TAS2R1: variants seen among roughly 807,000 people sequenced by gnomAD.
TAS2R1 encodes the protein taste 2 receptor member 1, also known as taste receptor type 2 member 1.
For synonymous variants in TAS2R1, 141 were observed against 134.2 expected (o/e 1.05, Z -0.35); for missense variants, 370 against 353.4 (o/e 1.05, Z -0.38).
chr5:9,827,850 A>G, the TAS2R1 span, among the ~76,000 whole-genome samples: 11 of 152,174 alleles, frequency 7.2e-5, no homozygotes, highest in African/African-American at 2.4e-4. Flanking sequence ...AAATCCAGCA[A>G]TTCCTTATTA....
chr5:9,687,715 T>C (rs567029191), intron 1 of TAS2R1, among the ~76,000 whole-genome samples: 3 of 152,368 alleles, frequency 2.0e-5, no homozygotes, highest in South Asian at 4.1e-4. Context: ...AACCATTTTC[T>C]GCTCCGCGGG....
At chr5:9,803,657 A>G in the TAS2R1 span, among the ~76,000 whole-genome samples, 2 of 152,232 alleles carry the variant, frequency 1.3e-5, no homozygotes, top group Admixed American at 6.5e-5. Context: ...TCATGAATGA[A>G]GGAAAGATAC....
At chr5:9,870,859 A>G in the TAS2R1 span, among the ~76,000 whole-genome samples, 6 of 152,230 alleles carry the variant, frequency 3.9e-5, no homozygotes, top group African/African-American at 1.4e-4. Flanking sequence ...AGTCACTATG[A>G]TGATGGAAAT....
rs542542479 is a variant in TAS2R1, at chr5:9,707,035, T to G, written c.-242+5137A>C. 4.6e-5 allele frequency among the ~76,000 whole-genome samples: 7 copies of G among 152,268 alleles called. No homozygotes were observed. The South Asian group carries it at 1.5e-3, about 32-fold the overall frequency. ...TACTCAGCTTACTCTTGCCTCAGGA[T>G]AGAGATGAGATGCAGTGAAGGACAG... is the stretch of plus-strand genomic sequence containing the variant. On this transcript the variant is annotated intron_variant, in intron 1 of 2. Coordinates refer to the TAS2R1 transcript ENST00000506620.
the TAS2R1 span, among the ~76,000 whole-genome samples, chr5:9,822,540 G>A: frequency 6.6e-5 from 10 of 151,788 alleles, no homozygotes; most frequent in African/African-American, 1.5e-4. Context: ...TAGTAGACAC[G>A]GGGTTTCACT....
the TAS2R1 span, among the ~76,000 whole-genome samples, chr5:9,746,687 G>A: frequency 1.5e-4 from 23 of 152,124 alleles, no homozygotes; most frequent in African/African-American, 3.9e-4. Flanking sequence ...AACATCACAC[G>A]TTCTCACTCA....
At chr5:9,659,901 C>G (rs966825612) in intron 1 of TAS2R1, 2 of 152,162 alleles carry the variant, frequency 1.3e-5, no homozygotes, top group Non-Finnish European at 2.9e-5. Flanking sequence ...TCAGACTCAC[C>G]TCCCTGAGCC....
At chr5:9,872,197 A>G in the TAS2R1 span, among the ~76,000 whole-genome samples, 1 of 152,180 alleles carries the variant, frequency 6.6e-6, no homozygotes, top group Non-Finnish European at 1.5e-5. Context: ...TGTTTCCCAA[A>G]AGTTTCCGTG....
At position 9,629,861 on chromosome 5, in the gene TAS2R1, G is replaced by A. The variant is rs749312242; in HGVS notation, c.172C>T (p.Leu58=). 6.2e-7 allele frequency: 1 copy of A among 1,613,442 alleles called. No individual in the cohort carries two copies. Among genetic ancestry groups the A allele is most frequent in the Admixed American group, 1.7e-5 (1 of 59,808 alleles). ...LSCLAVSRIF[L]QLFIFYVNVI... ...TTAACGTAGAAGATGAACAACTGCA[G>A]AAAAATTCTAGAAACTGCCAGACAA... The change falls in exon 1 of 1, where the codon CTG becomes TTG. Residue 58 remains leucine (L), a synonymous_variant. Coordinates refer to ENST00000382492, the MANE Select transcript of TAS2R1 (RefSeq NM_019599.3).
At chr5:9,829,581 C>T in the TAS2R1 span, among the ~76,000 whole-genome samples, 3 of 152,150 alleles carry the variant, frequency 2.0e-5, no homozygotes, top group Non-Finnish European at 4.4e-5. Flanking sequence ...ATCTATTTTT[C>T]TGCTTTTGAT....
the TAS2R1 span, among the ~76,000 whole-genome samples, chr5:9,796,116 G>A: frequency 6.6e-6 from 1 of 152,228 alleles, no homozygotes; most frequent in African/African-American, 2.4e-5. Context: ...AAGAGTCACT[G>A]ATGTGGCATG....
At chr5:9,809,319 G>T in the TAS2R1 span, among the ~76,000 whole-genome samples, 4 of 152,170 alleles carry the variant, frequency 2.6e-5, no homozygotes, top group African/African-American at 9.6e-5. Flanking sequence ...GAATGTTACG[G>T]ACTGAATATT....
intron 1 of TAS2R1, among the ~76,000 whole-genome samples, chr5:9,672,882 A>G (rs1740798002): frequency 6.6e-6 from 1 of 152,192 alleles, no homozygotes; most frequent in South Asian, 2.1e-4. Context: ...TAGCAAAGAT[A>G]TGGAATCAAC....
At chr5:9,634,819 C>T (rs1344241002), upstream of TAS2R1, among the ~76,000 whole-genome samples, 1 of 151,944 alleles carries the variant, frequency 6.6e-6, no homozygotes, top group African/African-American at 2.4e-5. Flanking sequence ...TTACTGAATT[C>T]ATTTATCTGA....
chr5:9,833,510 T>C, the TAS2R1 span, among the ~76,000 whole-genome samples: 1 of 152,098 alleles, frequency 6.6e-6, no homozygotes, highest in Admixed American at 6.6e-5. Flanking sequence ...GGGTTACAAA[T>C]GAAAAGATGC....
chr5:9,689,532 A>T (rs1741194020), intron 1 of TAS2R1, among the ~76,000 whole-genome samples: 1 of 152,152 alleles, frequency 6.6e-6, no homozygotes, highest in Non-Finnish European at 1.5e-5. Context: ...ATATATAATC[A>T]TAAGCTCTTT....
the TAS2R1 span, among the ~76,000 whole-genome samples, chr5:9,744,387 T>C: frequency 0.033 from 4,977 of 152,100 alleles, 259 homozygotes; most frequent in African/African-American, 0.11. Context: ...TTATGGAAAA[T>C]AAGATGGGAA....
At chr5:9,763,506 A>C in the TAS2R1 span, among the ~76,000 whole-genome samples, 1 of 152,124 alleles carries the variant, frequency 6.6e-6, no homozygotes, top group Non-Finnish European at 1.5e-5. Context: ...TCCATCTCAA[A>C]AAAAAAAGAA....
chr5:9,804,715 T>G, the TAS2R1 span, among the ~76,000 whole-genome samples: 2 of 152,130 alleles, frequency 1.3e-5, no homozygotes, highest in African/African-American at 4.8e-5. Context: ...TGATAAAACT[T>G]GTCCAAACCT....
Sources: gnomAD v4.1 joint callset for allele counts (sites outside exome capture counted in the v4.1 genomes callset) on GRCh38, gnomAD v4.1.1 for gene constraint, MANE v1.5 for transcripts, NCBI Gene and HGNC (gene_info 2026-07-23, HGNC 2026-07-21) for gene names.